The following SMYD3 variants were observed in gnomAD, a reference collection of about 807,000 sequenced individuals.
The protein encoded by SMYD3 is histone-lysine N-methyltransferase SMYD3.
Under a neutral mutation model 57.7 loss-of-function variants are expected in SMYD3, and 36 were observed. The observed-to-expected ratio is 0.62, with a 90% CI of 0.48 to 0.82. The LOEUF (loss-of-function observed/expected upper bound fraction) is 0.82. Among genes scored for constraint, SMYD3 ranks in the 40% least tolerant of loss-of-function variants. SMYD3 has a pLI of 0.00. For synonymous variants in SMYD3, 211 were observed against 195.0 expected (o/e 1.08, Z -0.68); for missense variants, 515 against 538.8 (o/e 0.96, Z 0.44).
At chr1:246,160,753 C>T (rs1348177004) in intron 5 of SMYD3, among the ~76,000 whole-genome samples, 2 of 152,160 alleles carry the variant, frequency 1.3e-5, no homozygotes, top group Non-Finnish European at 2.9e-5. Flanking sequence ...AGCAAGCTCT[C>T]ACATGGGGGA....
chr1:246,004,188 C>A (rs2059131754), intron 5 of SMYD3, among the ~76,000 whole-genome samples: 1 of 151,700 alleles, frequency 6.6e-6, no homozygotes, highest in African/African-American at 2.4e-5. Context: ...GCTGCCCAGC[C>A]CCAAAGAGAT....
chr1:246,417,134 T>C (rs1008167389), intron 1 of SMYD3, among the ~76,000 whole-genome samples: 10 of 152,156 alleles, frequency 6.6e-5, no homozygotes, highest in Non-Finnish European at 8.8e-5. Context: ...AAGAGAACCA[T>C]TTACAAACTA....
intron 1 of SMYD3, among the ~76,000 whole-genome samples, chr1:246,486,296 C>T (rs1471334112): frequency 6.6e-6 from 1 of 152,136 alleles, no homozygotes; most frequent in Non-Finnish European, 1.5e-5. Context: ...AGCTCCTTAA[C>T]AGATATGACA....
chr1:246,371,312 G>A (rs576011314), intron 1 of SMYD3, among the ~76,000 whole-genome samples: 1 of 152,296 alleles, frequency 6.6e-6, no homozygotes, highest in South Asian at 2.1e-4. Context: ...GGAGCACAGT[G>A]AGTAGACTGG....
At chr1:245,939,124 C>T (rs1304837712) in intron 5 of SMYD3, among the ~76,000 whole-genome samples, 1 of 149,604 alleles carries the variant, frequency 6.7e-6, no homozygotes, top group Non-Finnish European at 1.5e-5. Context: ...GCCTCGGCGA[C>T]AGAGCGAGAC....
intron 8 of SMYD3, among the ~76,000 whole-genome samples, chr1:245,901,143 G>A (rs765716898): frequency 2.0e-5 from 3 of 152,182 alleles, no homozygotes; most frequent in Admixed American, 1.3e-4. Context: ...GTTACAGTGA[G>A]TTGTGGTATA....
chr1:246,349,983 C>T (rs1340298883), intron 2 of SMYD3, among the ~76,000 whole-genome samples: 1 of 152,166 alleles, frequency 6.6e-6, no homozygotes, highest in East Asian at 1.9e-4. Context: ...CAGGAATGGT[C>T]GCAGTGGATC....
chr1:246,381,678 A>G (rs941202641), intron 1 of SMYD3, among the ~76,000 whole-genome samples: 2 of 152,218 alleles, frequency 1.3e-5, no homozygotes, highest in African/African-American at 2.4e-5. Context: ...TATACAGTGA[A>G]TAAATGTTTG....
chr1:245,908,192 G>A (rs1163370807), intron 8 of SMYD3, among the ~76,000 whole-genome samples: 1 of 151,680 alleles, frequency 6.6e-6, no homozygotes. Context: ...AGCCAAAGCT[G>A]AGCAGGAGTA....
At chr1:246,452,492 C>G (rs567570882) in intron 1 of SMYD3, among the ~76,000 whole-genome samples, 7 of 152,130 alleles carry the variant, frequency 4.6e-5, no homozygotes, top group African/African-American at 1.7e-4. Context: ...AACCAAGACT[C>G]CGTTTCAAAA....
intron 1 of SMYD3, among the ~76,000 whole-genome samples, chr1:246,423,558 A>G (rs1434561733): frequency 1.3e-5 from 2 of 151,982 alleles, no homozygotes; most frequent in African/African-American, 2.4e-5. Context: ...TAAAGTAGTC[A>G]GATGTGGAGA....
intron 5 of SMYD3, chr1:246,325,716 G>A (rs1173994932): frequency 2.0e-5 from 3 of 152,020 alleles, no homozygotes; most frequent in Non-Finnish European, 4.4e-5. Context: ...ATTTTTCATG[G>A]ATATTAATAA....
intron 5 of SMYD3, among the ~76,000 whole-genome samples, chr1:245,973,447 A>G (rs2058349846): frequency 6.6e-6 from 1 of 152,242 alleles, no homozygotes; most frequent in African/African-American, 2.4e-5. Flanking sequence ...TATTTGCTAA[A>G]TGGAGGTACA....
rs2065372937 is a variant in SMYD3, at chr1:246,327,333, A to AT, written c.398_399insA (p.Asn134Ter). ...CTTTCTTATCTTCAGTCAGTTTGTTAATATCTTTTTTAAAGAGAAAATAAA... is the reference window on the plus strand; with the variant it reads ...CTTTCTTATCTTCAGTCAGTTTGTTATATATCTTTTTTAAAGAGAAAATAAA... On this transcript the variant is annotated frameshift_variant, in exon 5 of 12. Coordinates refer to ENST00000490107, the MANE Select transcript of SMYD3 (RefSeq NM_001167740.2). LOFTEE classifies it high-confidence loss of function. 1 of 1,607,354 alleles carries AT rather than the reference A, an allele frequency of 6.2e-7. No individual in the cohort carries two copies. The highest frequency in any genetic ancestry group is 1.3e-5 in the African/African-American group (1 of 74,300).
chr1:246,293,931 A>G (rs1005455682), intron 5 of SMYD3, among the ~76,000 whole-genome samples: 15 of 152,152 alleles, frequency 9.9e-5, no homozygotes, highest in Non-Finnish European at 2.1e-4. Context: ...TTCAGTCCTC[A>G]CGTTAACTGA....
At chr1:246,101,262 G>A (rs1164421599) in intron 5 of SMYD3, among the ~76,000 whole-genome samples, 1 of 151,764 alleles carries the variant, frequency 6.6e-6, no homozygotes, top group Non-Finnish European at 1.5e-5. Flanking sequence ...ATTTTCCTAG[G>A]GCTAAAGTCA....
At chr1:245,946,328 C>T (rs2057427633) in intron 5 of SMYD3, among the ~76,000 whole-genome samples, 1 of 152,186 alleles carries the variant, frequency 6.6e-6, no homozygotes, top group South Asian at 2.1e-4. Flanking sequence ...TCCTCCACCG[C>T]ATGTGGAGGC....
chr1:246,435,456 A>G (rs1251099585), intron 1 of SMYD3, among the ~76,000 whole-genome samples: 1 of 152,174 alleles, frequency 6.6e-6, no homozygotes, highest in African/African-American at 2.4e-5. Flanking sequence ...TGGAATAAAC[A>G]AAACAAAGCA....
chr1:246,036,712 C>T (rs1397849243), intron 5 of SMYD3, among the ~76,000 whole-genome samples: 2 of 94,614 alleles, frequency 2.1e-5, no homozygotes, highest in African/African-American at 5.1e-5. Context: ...TGCCACTAAG[C>T]CCGGCTAATT....
Sources: gnomAD v4.1 joint callset for allele counts (sites outside exome capture counted in the v4.1 genomes callset) on GRCh38, gnomAD v4.1.1 for gene constraint, MANE v1.5 for transcripts, NCBI Gene and HGNC (gene_info 2026-07-23, HGNC 2026-07-21) for gene names.